RIMS3: variants seen among roughly 807,000 people sequenced by gnomAD.
The protein encoded by RIMS3 is regulating synaptic membrane exocytosis protein 3.
A neutral mutation model predicts 29.2 loss-of-function variants in RIMS3; 15 were observed. The observed-to-expected ratio is 0.51, with a 90% CI of 0.34 to 0.79. The LOEUF is 0.79. RIMS3 is among the 30% of genes least tolerant of loss of function. The probability of loss-of-function intolerance (pLI) is 0.01; values close to 1 mark genes in which losing one functional copy is unlikely to be tolerated. For synonymous variants in RIMS3, 161 were observed against 170.1 expected (o/e 0.95, Z 0.41); for missense variants, 342 against 421.4 (o/e 0.81, Z 1.65).
At chr1:40,660,398 G>A (rs1189843945) in intron 1 of RIMS3, among the ~76,000 whole-genome samples, 1 of 144,872 alleles carries the variant, frequency 6.9e-6, no homozygotes, top group African/African-American at 2.6e-5. Context: ...TTTTTTTTGA[G>A]ACAGGGTCTC....
chr1:40,628,666 C>A, intron 7 of RIMS3, 144 bp downstream of exon 7: 1 of 1,158,026 alleles, frequency 8.6e-7, no homozygotes, highest in East Asian at 2.4e-5. Context: ...AGTAATACCT[C>A]ACAGGGTTGT....
chr1:40,666,687 T>C (rs1170956774), upstream of RIMS3, among the ~76,000 whole-genome samples: 2 of 152,194 alleles, frequency 1.3e-5, no homozygotes, highest in Admixed American at 6.5e-5. Context: ...TAATATTTGC[T>C]GGAGGCATGT....
Position 40,645,737 on chromosome 1 carries a change from T to C in RIMS3, c.-32+1931A>G, listed in dbSNP as rs59713396. ...CCCAGGGGGTGAAAAGGGAAGGGGGTAAGGGACAAAATTCCTGACCCTGCC... is the reference window on the plus strand; with the variant it reads ...CCCAGGGGGTGAAAAGGGAAGGGGGCAAGGGACAAAATTCCTGACCCTGCC... On this transcript the variant is annotated intron_variant, in intron 2 of 7. Transcript: ENST00000372684. Among the ~76,000 whole-genome samples, 459 of 151,826 alleles carry C rather than the reference T, an allele frequency of 3.0e-3. 4 individuals are homozygous for C. The highest frequency in any genetic ancestry group is 0.01 in the African/African-American group (430 of 41,362).
intron 1 of RIMS3, among the ~76,000 whole-genome samples, chr1:40,651,957 CT>C: frequency 6.6e-6 from 1 of 152,142 alleles, no homozygotes; most frequent in East Asian, 1.9e-4. Flanking sequence ...TTGATAACTG[CT>C]TTTTTATTGA....
chr1:40,671,151 A>G, the RIMS3 span, among the ~76,000 whole-genome samples: 1 of 152,090 alleles, frequency 6.6e-6, no homozygotes, highest in South Asian at 2.1e-4. Context: ...TTTTATTGGT[A>G]GTGGGAGGCT....
chr1:40,640,001 G>T (rs1173629366), intron 3 of RIMS3, among the ~76,000 whole-genome samples: 1 of 152,114 alleles, frequency 6.6e-6, no homozygotes, highest in African/African-American at 2.4e-5. Context: ...AGCCTGTAAA[G>T]TCAAGGCAGA....
rs761882342 is a variant in RIMS3 at position 40,636,072 on chromosome 1, AC to A, written c.218-16del. Reference sequence around the variant, plus strand: ...GGTGGCCCCTTCTGTGACCCCCCCAACCCCAAGCACAGAGAGGGAACAAGGT... The same window carrying A: ...GGTGGCCCCTTCTGTGACCCCCCCAACCCAAGCACAGAGAGGGAACAAGGT... On this transcript the variant is annotated splice_polypyrimidine_tract_variant and intron_variant, in intron 3 of 7. Coordinates refer to ENST00000372684, the MANE Select transcript of RIMS3 (RefSeq NM_014747.3). This position sits in a 1 kb window ranked among gnomAD's most constrained non-coding sequence, Gnocchi z 4.2. The A allele has an allele frequency of 2.5e-6, 4 of 1,599,934 alleles. No homozygotes were observed. The Admixed American group carries it at 5.0e-5, about 20-fold the overall frequency.
chr1:40,628,995 A>G, intron 6 of RIMS3, 46 bp from the exon 7 acceptor site: 1 of 1,610,458 alleles, frequency 6.2e-7, no homozygotes, highest in South Asian at 1.1e-5. Flanking sequence ...CAGGACAGAC[A>G]GCTTTGGCCT....
chr1:40,689,564 G>A, the RIMS3 span, among the ~76,000 whole-genome samples: 13 of 152,026 alleles, frequency 8.6e-5, no homozygotes, highest in African/African-American at 3.1e-4. Flanking sequence ...ACAGGTGTGA[G>A]CCACCGTGCC....
intron 1 of RIMS3, among the ~76,000 whole-genome samples, chr1:40,660,577 G>A (rs1244223091): frequency 8.6e-5 from 13 of 151,484 alleles, no homozygotes; most frequent in South Asian, 2.1e-4. Flanking sequence ...ATGGGGTTTC[G>A]CCATGTTGCC....
At position 40,654,187 on chromosome 1, in the gene RIMS3, G is replaced by A. The variant is rs2148357481; in HGVS notation, c.-206-6345C>T. Among the ~76,000 whole-genome samples, 1 of 99,884 alleles carries A rather than the reference G, an allele frequency of 1.0e-5. No homozygotes were observed. Among genetic ancestry groups the A allele is most frequent in the East Asian group, 3.3e-4 (1 of 3,038 alleles). 65.5% of individuals were successfully genotyped at this position (99,884 alleles called of 152,430 possible). A position where few individuals can be genotyped will look rare whatever the true frequency, so the allele number is the denominator to read the frequency against. On this transcript the variant is annotated intron_variant, in intron 1 of 7. Transcript: ENST00000372684. This position sits in a 1 kb window ranked among gnomAD's most constrained non-coding sequence, Gnocchi z 5.3. Reference sequence around the variant, plus strand: ...CCCCTCCCCGCCCCTCCCCCGCGCCGCTGACGAGGCCGGATCAATATTTCA... The same window carrying A: ...CCCCTCCCCGCCCCTCCCCCGCGCCACTGACGAGGCCGGATCAATATTTCA...
intron 2 of RIMS3, among the ~76,000 whole-genome samples, chr1:40,647,293 C>T (rs531014430): frequency 2.0e-4 from 31 of 152,192 alleles, no homozygotes; most frequent in African/African-American, 7.2e-4. Flanking sequence ...GAGTGTTAGG[C>T]TGGAAGGGAC....
the RIMS3 span, among the ~76,000 whole-genome samples, chr1:40,679,233 G>C: frequency 6.6e-6 from 1 of 152,160 alleles, no homozygotes; most frequent in Non-Finnish European, 1.5e-5. Flanking sequence ...ATAACTACCA[G>C]CTGCTGCCAG....
intron 2 of RIMS3, among the ~76,000 whole-genome samples, chr1:40,644,957 C>G (rs1646585062): frequency 6.6e-6 from 1 of 152,206 alleles, no homozygotes; most frequent in Non-Finnish European, 1.5e-5. Flanking sequence ...GGAAGACAGT[C>G]CCCAGACAGC....
chr1:40,659,175 G>A (rs1207018474), intron 1 of RIMS3, among the ~76,000 whole-genome samples: 1 of 152,142 alleles, frequency 6.6e-6, no homozygotes, highest in Non-Finnish European at 1.5e-5. Context: ...ACAAAGTAGG[G>A]GTGGGGAGGC....
Position 40,636,961 on chromosome 1 carries a change from T to C in RIMS3, c.218-904A>G, listed in dbSNP as rs188096754. Among the ~76,000 whole-genome samples the C allele has an allele frequency of 1.6e-3, 250 of 152,154 alleles. 3 individuals carry two copies. Among genetic ancestry groups the C allele is most frequent in the African/African-American group, 5.8e-3 (240 of 41,516 alleles). ...CCTGGCGGGGGGCGGATGGGGGAGA[T>C]GGCCTGAGGGTTTGCAGGGACTTCC... On this transcript the variant is annotated intron_variant, in intron 3 of 7. Transcript: ENST00000372684. The surrounding 1 kb of genome is among the most constrained non-coding windows in gnomAD (Gnocchi z 4.2).
intron 1 of RIMS3, among the ~76,000 whole-genome samples, chr1:40,660,408 C>T (rs371753008): frequency 3.1e-4 from 46 of 147,842 alleles, no homozygotes; most frequent in Middle Eastern, 3.4e-3. Context: ...GACAGGGTCT[C>T]GCTTTGTCAC....
intron 4 of RIMS3, among the ~76,000 whole-genome samples, chr1:40,634,054 A>T (rs1264711665): frequency 6.6e-6 from 1 of 152,150 alleles, no homozygotes; most frequent in Non-Finnish European, 1.5e-5. Flanking sequence ...TCCAGTCTAG[A>T]TATTCTGGGT....
At position 40,636,798 on chromosome 1, in the gene RIMS3, C is replaced by T. The variant is rs1570177253; in HGVS notation, c.218-741G>A. 2.6e-5 allele frequency among the ~76,000 whole-genome samples: 4 copies of T among 152,324 alleles called. No individual in the cohort carries two copies. The South Asian group carries it at 8.3e-4, about 32-fold the overall frequency. ...GTGCCTCCTGTTCAGAGGCCCTCGA[C>T]CCCCATATCCTGGCCTCCCCCTCAG... On this transcript the variant is annotated intron_variant, in intron 3 of 7. Coordinates refer to ENST00000372684, the MANE Select transcript of RIMS3 (RefSeq NM_014747.3). This position sits in a 1 kb window ranked among gnomAD's most constrained non-coding sequence, Gnocchi z 4.2.
Sources: gnomAD v4.1 joint callset for allele counts (sites outside exome capture counted in the v4.1 genomes callset) on GRCh38, gnomAD v4.1.1 for gene constraint, Gnocchi (gnomAD v3.1) non-coding constraint, MANE v1.5 for transcripts, NCBI Gene and HGNC (gene_info 2026-07-23, HGNC 2026-07-21) for gene names.